Variants in MTUS2 observed in about 807,000 individuals in gnomAD.
MTUS2 encodes the protein microtubule associated scaffold protein 2.
Under a neutral mutation model 114.1 loss-of-function variants are expected in MTUS2, and 40 were observed. The observed-to-expected ratio is 0.35, with a 90% CI of 0.27 to 0.46. MTUS2 has a LOEUF of 0.46. Ranked by LOEUF, MTUS2 falls within the 20% of genes least tolerant of loss-of-function variation. The pLI is 1.00. For missense variants in MTUS2, 1,679 were observed against 1,705.4 expected (o/e 0.98, Z 0.27); for synonymous variants, 688 against 672.0 (o/e 1.02, Z -0.37).
rs576503988 is a variant in MTUS2, at chr13:29,463,304, A to T, written c.3185-16846A>T. Among the ~76,000 whole-genome samples, 17 of 152,342 alleles carry T rather than the reference A, an allele frequency of 1.1e-4. No individual in the cohort carries two copies. In the South Asian group the frequency reaches 1.9e-3, roughly 17 times the overall value. Reference sequence around the variant, plus strand: ...TTCTGACCTCCAGGACTGTGGGGTCATAAAGAGGAGTTGTTTTAAGCCCCT... The same window carrying T: ...TTCTGACCTCCAGGACTGTGGGGTCTTAAAGAGGAGTTGTTTTAAGCCCCT... On this transcript the variant is annotated intron_variant, in intron 9 of 15. Transcript: ENST00000612955.
At chr13:29,397,804 A>G (rs1182011267) in intron 8 of MTUS2, among the ~76,000 whole-genome samples, 2 of 152,124 alleles carry the variant, frequency 1.3e-5, no homozygotes, top group African/African-American at 4.8e-5. Context: ...GTTTCTCTCC[A>G]CAAGTATTCC....
chr13:29,196,661 T>C (rs1335369950), intron 5 of MTUS2, among the ~76,000 whole-genome samples: 1 of 152,190 alleles, frequency 6.6e-6, no homozygotes, highest in Non-Finnish European at 1.5e-5. Context: ...CATGCTACTA[T>C]GTCTTCATGA....
intron 7 of MTUS2, among the ~76,000 whole-genome samples, chr13:29,330,769 C>G (rs1446716998): frequency 6.6e-6 from 1 of 151,996 alleles, no homozygotes; most frequent in African/African-American, 2.4e-5. Flanking sequence ...ATTTCTGAGG[C>G]CTTTATTCTC....
intron 5 of MTUS2, among the ~76,000 whole-genome samples, chr13:29,142,059 A>T (rs548658971): frequency 1.3e-5 from 2 of 151,966 alleles, no homozygotes; most frequent in South Asian, 4.2e-4. Context: ...ACGGGGTTTC[A>T]CTGTGTTAGC....
At chr13:29,036,766 CT>C (rs574893789) in intron 4 of MTUS2, among the ~76,000 whole-genome samples, 23 of 150,666 alleles carry the variant, frequency 1.5e-4, no homozygotes, top group African/African-American at 5.1e-4. Context: ...ATGTAATGCC[CT>C]TTTTTATCTT....
chr13:29,072,226 C>A (rs1249932460), intron 4 of MTUS2: 1 of 152,106 alleles, frequency 6.6e-6, no homozygotes, highest in East Asian at 1.9e-4. Context: ...ATGCAGAGTG[C>A]TTAATAGAAA....
At chr13:29,195,977 T>G (rs1894680537) in intron 5 of MTUS2, among the ~76,000 whole-genome samples, 1 of 152,152 alleles carries the variant, frequency 6.6e-6, no homozygotes, top group Admixed American at 6.5e-5. Context: ...CGATCAAGTT[T>G]ATGTTTTAAA....
intron 1 of MTUS2, 119 bp downstream of exon 1, chr13:28,820,730 C>T (rs1436483358): frequency 6.6e-6 from 1 of 152,476 alleles, no homozygotes; most frequent in Non-Finnish European, 1.5e-5. Flanking sequence ...CGGGGCAGCG[C>T]CGGGCTGGTT....
intron 8 of MTUS2, among the ~76,000 whole-genome samples, chr13:29,391,247 A>C (rs1216146556): frequency 2.6e-5 from 4 of 151,664 alleles, no homozygotes; most frequent in Non-Finnish European, 5.9e-5. Flanking sequence ...ACACCACCAC[A>C]CTCAGCTAAT....
At chr13:29,333,003 A>G (rs1174361683) in intron 7 of MTUS2, among the ~76,000 whole-genome samples, 5 of 152,030 alleles carry the variant, frequency 3.3e-5, no homozygotes, top group Non-Finnish European at 7.4e-5. Flanking sequence ...TCCTGTGGGC[A>G]TTTAGTGCTA....
In MTUS2 at chr13:28,856,527, G is replaced by A. The variant is rs545091911; in HGVS notation, c.-243+16677G>A. Among the ~76,000 whole-genome samples, 134 of 152,296 alleles carry A rather than the reference G, an allele frequency of 8.8e-4. 1 individual carries two copies. Among genetic ancestry groups the A allele is most frequent in the African/African-American group, 3.2e-3 (131 of 41,562 alleles). ...CAGGCAGGATCTTGGAAGCCCAAGC[G>A]ATAATGGGCCATCAGCTGGAAACAG... is the stretch of plus-strand genomic sequence containing the variant. On this transcript the variant is annotated intron_variant, in intron 2 of 15. Transcript: ENST00000612955.
chr13:29,319,853 TA>T (rs34256538), intron 6 of MTUS2, among the ~76,000 whole-genome samples: 9,594 of 150,116 alleles, frequency 0.064, 976 homozygotes, highest in African/African-American at 0.22. Context: ...TCAAGAAAGC[TA>T]AAAAAAAAAT....
chr13:29,127,951 C>T (rs1329042928), intron 5 of MTUS2, among the ~76,000 whole-genome samples: 1 of 152,232 alleles, frequency 6.6e-6, no homozygotes, highest in Non-Finnish European at 1.5e-5. Context: ...TGAAAAGAAC[C>T]TATCCCTGCT....
At chr13:28,991,003 A>G (rs1884825911) in intron 2 of MTUS2, among the ~76,000 whole-genome samples, 3 of 152,146 alleles carry the variant, frequency 2.0e-5, no homozygotes, top group Admixed American at 1.3e-4. Context: ...GAGACCAACA[A>G]CCCACCAGAA....
intron 5 of MTUS2, among the ~76,000 whole-genome samples, chr13:29,215,844 G>A (rs1364690234): frequency 6.6e-6 from 1 of 152,174 alleles, no homozygotes; most frequent in African/African-American, 2.4e-5. Flanking sequence ...CCAGTCAGGA[G>A]GCACGGGGGT....
At position 29,389,838 on chromosome 13, in the gene MTUS2, CAT is replaced by C. The variant is rs1347467488; in HGVS notation, c.3117+30367_3117+30368del. Among the ~76,000 whole-genome samples, 5 of 2,084 alleles carry C rather than the reference CAT, an allele frequency of 2.4e-3. 2 individuals carry two copies. Among genetic ancestry groups the C allele is most frequent in the African/African-American group, 3.1e-3 (5 of 1,604 alleles). 1.4% of individuals were successfully genotyped at this position (2,084 alleles called of 152,430 possible). A position where few individuals can be genotyped will look rare whatever the true frequency, so the allele number is the denominator to read the frequency against. On this transcript the variant is annotated intron_variant, in intron 8 of 15. Transcript: ENST00000612955. Reference sequence around the variant, plus strand: ...ATATACATACATATGTGTATATATACATACATATGTGTATATATACATACATA... The same window carrying C: ...ATATACATACATATGTGTATATATACACATATGTGTATATATACATACATA...
chr13:29,036,425 A>G (rs1006666170), intron 4 of MTUS2, among the ~76,000 whole-genome samples: 4 of 152,180 alleles, frequency 2.6e-5, no homozygotes, highest in Non-Finnish European at 4.4e-5. Flanking sequence ...TAACCTCCTT[A>G]CAATTATGTG....
chr13:28,837,361 C>G (rs755948661), intron 1 of MTUS2, among the ~76,000 whole-genome samples: 1 of 152,178 alleles, frequency 6.6e-6, no homozygotes, highest in African/African-American at 2.4e-5. Context: ...CTGGGCCATT[C>G]GGTAACATCA....
chr13:29,374,625 T>C (rs928415049), intron 8 of MTUS2, among the ~76,000 whole-genome samples: 1 of 152,194 alleles, frequency 6.6e-6, no homozygotes, highest in South Asian at 2.1e-4. Context: ...AGGCCGGGCA[T>C]GGAGGCTCAC....
Sources: gnomAD v4.1 joint callset for allele counts (sites outside exome capture counted in the v4.1 genomes callset) on GRCh38, gnomAD v4.1.1 for gene constraint, MANE v1.5 for transcripts, NCBI Gene and HGNC (gene_info 2026-07-23, HGNC 2026-07-21) for gene names.